The following SLC35D4 variants were observed in gnomAD, a reference collection of about 807,000 sequenced individuals.
The protein encoded by SLC35D4 is UDP-N-acetylglucosamine transporter SLC35D4.
chr18:23,392,269 A>G, the SLC35D4 span, among the ~76,000 whole-genome samples: 1 of 152,130 alleles, frequency 6.6e-6, no homozygotes, highest in Non-Finnish European at 1.5e-5. Flanking sequence ...AATTCTCTTC[A>G]TAAGAGTGTT....
At chr18:23,365,795 G>T in the SLC35D4 span, 1 of 1,023,390 alleles carries the variant, frequency 9.8e-7, no homozygotes, top group Non-Finnish European at 1.4e-6. Context: ...GACTCACTCT[G>T]CCTAAATCCA....
chr18:23,352,681 G>A, the SLC35D4 span, among the ~76,000 whole-genome samples: 1 of 152,138 alleles, frequency 6.6e-6, no homozygotes, highest in South Asian at 2.1e-4. Context: ...GACTTCCAAA[G>A]GGAAACTCAC....
the SLC35D4 span, among the ~76,000 whole-genome samples, chr18:23,256,946 A>G: frequency 6.6e-6 from 1 of 152,174 alleles, no homozygotes; most frequent in African/African-American, 2.4e-5. Flanking sequence ...TAAAATAGAG[A>G]TACGGAGCAT....
chr18:23,370,283 T>A, the SLC35D4 span: 1 of 1,611,810 alleles, frequency 6.2e-7, no homozygotes, highest in Non-Finnish European at 8.5e-7. Context: ...ATAAAACATA[T>A]CACTGGTCAT....
the SLC35D4 span, among the ~76,000 whole-genome samples, chr18:23,362,321 G>A: frequency 6.6e-6 from 1 of 152,208 alleles, no homozygotes; most frequent in Non-Finnish European, 1.5e-5. Context: ...TAGGGGGACT[G>A]GGCGTGGTGG....
At chr18:23,361,396 G>A in the SLC35D4 span, among the ~76,000 whole-genome samples, 1 of 152,090 alleles carries the variant, frequency 6.6e-6, no homozygotes, top group African/African-American at 2.4e-5. Flanking sequence ...GCTAGACTTG[G>A]TCCAATCAGA....
At chr18:23,419,216 G>T in the SLC35D4 span, among the ~76,000 whole-genome samples, 1 of 152,152 alleles carries the variant, frequency 6.6e-6, no homozygotes, top group Non-Finnish European at 1.5e-5. Flanking sequence ...GGATATCTAG[G>T]TGAGGCAGGA....
At chr18:23,354,528 A>AG in the SLC35D4 span, among the ~76,000 whole-genome samples, 1 of 151,206 alleles carries the variant, frequency 6.6e-6, no homozygotes, top group African/African-American at 2.4e-5. Context: ...TCAAAAAAAA[A>AG]AAAAAAAAGA....
the SLC35D4 span, among the ~76,000 whole-genome samples, chr18:23,399,871 G>C: frequency 6.6e-6 from 1 of 152,202 alleles, no homozygotes; most frequent in Non-Finnish European, 1.5e-5. Flanking sequence ...TAGCCTAAGA[G>C]ATCCCAGAAA....
chr18:23,243,468 G>GT, the SLC35D4 span, among the ~76,000 whole-genome samples: 13,527 of 101,532 alleles, frequency 0.13, 926 homozygotes, highest in Admixed American at 0.28. Flanking sequence ...TGGGTTTGGT[G>GT]TTTTTTTTTT....
At chr18:23,370,196 A>G in the SLC35D4 span, 63 of 902,690 alleles carry the variant, frequency 7.0e-5, no homozygotes, top group Non-Finnish European at 8.1e-5. Context: ...ATCTCAAGGA[A>G]AAAAAAAAAA....
the SLC35D4 span, among the ~76,000 whole-genome samples, chr18:23,286,738 C>A: frequency 6.6e-6 from 1 of 152,140 alleles, no homozygotes; most frequent in South Asian, 2.1e-4. Context: ...TAAAACTCCC[C>A]AACTCTGGTG....
At chr18:23,383,289 A>T in the SLC35D4 span, among the ~76,000 whole-genome samples, 1 of 151,984 alleles carries the variant, frequency 6.6e-6, no homozygotes, top group Non-Finnish European at 1.5e-5. Context: ...GGCTCCTAAG[A>T]AACAGCCCAG....
chr18:23,300,394 G>A, the SLC35D4 span, among the ~76,000 whole-genome samples: 4 of 152,244 alleles, frequency 2.6e-5, no homozygotes, highest in South Asian at 2.1e-4. Context: ...CCAGGGGCTC[G>A]GACATTTTAT....
the SLC35D4 span, among the ~76,000 whole-genome samples, chr18:23,431,274 C>T: frequency 2.0e-5 from 3 of 151,790 alleles, no homozygotes; most frequent in Non-Finnish European, 4.4e-5. Flanking sequence ...GAGCTGGCAT[C>T]ATGAGCAAAC....
At chr18:23,294,237 G>T in the SLC35D4 span, among the ~76,000 whole-genome samples, 1 of 152,102 alleles carries the variant, frequency 6.6e-6, no homozygotes, top group African/African-American at 2.4e-5. Flanking sequence ...CTGAGGTCCA[G>T]CAAGGATTAA....
chr18:23,390,760 T>C, the SLC35D4 span, among the ~76,000 whole-genome samples: 1 of 152,190 alleles, frequency 6.6e-6, no homozygotes, highest in South Asian at 2.1e-4. Flanking sequence ...TGAGTCAACT[T>C]CTCAATTTTT....
the SLC35D4 span, among the ~76,000 whole-genome samples, chr18:23,435,366 T>A: frequency 2.0e-4 from 30 of 152,160 alleles, no homozygotes; most frequent in Admixed American, 1.7e-3. Flanking sequence ...AAAAGAAAGG[T>A]TATTCTGTTT....
chr18:23,241,753 C>G, the SLC35D4 span, among the ~76,000 whole-genome samples: 1 of 152,162 alleles, frequency 6.6e-6, no homozygotes, highest in East Asian at 1.9e-4. Flanking sequence ...GAATGTTTAT[C>G]TTTGTGCGTG....
Sources: gnomAD v4.1 joint callset for allele counts (sites outside exome capture counted in the v4.1 genomes callset) on GRCh38, gnomAD v4.1.1 for gene constraint, MANE v1.5 for transcripts, NCBI Gene and HGNC (gene_info 2026-07-23, HGNC 2026-07-21) for gene names.